SETD2: variants seen among roughly 807,000 people sequenced by gnomAD.
The protein encoded by SETD2 is histone-lysine N-methyltransferase SETD2.
Under a neutral mutation model 242.1 loss-of-function variants are expected in SETD2, and 31 were observed. The ratio of observed to expected loss-of-function variants is 0.13; its 90% CI spans 0.10 to 0.17. The LOEUF is 0.17. Among genes scored for constraint, SETD2 ranks in the 10% least tolerant of loss-of-function variants. The pLI is 1.00. For missense variants in SETD2, 2,481 were observed against 3,046.3 expected (o/e 0.81, Z 4.37); for synonymous variants, 1,006 against 1,066.5 (o/e 0.94, Z 1.11).
intron 18 of SETD2, among the ~76,000 whole-genome samples, chr3:47,021,004 AG>A: frequency 6.6e-6 from 1 of 152,228 alleles, no homozygotes; most frequent in South Asian, 2.1e-4. Flanking sequence ...TGGGGAGATT[AG>A]GGGGTAGAGT....
intron 12 of SETD2, among the ~76,000 whole-genome samples, chr3:47,071,726 AAATAG>A (rs2040828540): frequency 6.6e-6 from 1 of 152,130 alleles, no homozygotes; most frequent in Admixed American, 6.5e-5. Flanking sequence ...CTTTAACTCG[AAATAG>A]TATGTTCCAT....
chr3:47,123,385 T>A lies in SETD2; in HGVS notation c.1251A>T (p.Leu417Phe), dbSNP rs1454697715. The A allele has an allele frequency of 6.4e-7, 1 of 1,551,638 alleles. No individual in the cohort carries two copies. The highest frequency in any genetic ancestry group is 8.7e-7 in the Non-Finnish European group (1 of 1,146,984). The change falls in exon 3 of 21, where the codon TTA becomes TTT. Residue 417 changes from leucine (L) to phenylalanine (F), a missense_variant. This residue lies in a region of SETD2 where 1,300 missense variants were observed against 1,259.2 expected (regional missense o/e 1.03). Coordinates refer to ENST00000409792, the MANE Select transcript of SETD2 (RefSeq NM_014159.7). ...SRSERGSRTNLSYSRSERSHY... is the reference protein window; with the variant it reads ...SRSERGSRTNFSYSRSERSHY... ...GAGATCGTTCTGACCTGGAATAGGA[T>A]AAATTAGTTCTAGAGCCTCTCTCAG...
chr3:47,076,078 T>C (rs1467916317), intron 12 of SETD2, among the ~76,000 whole-genome samples: 4 of 152,300 alleles, frequency 2.6e-5, no homozygotes, highest in Admixed American at 6.5e-5. Context: ...TAAAATGTTA[T>C]CTGCCTTTGA....
chr3:47,041,812 CATAA>C (rs1473018542), intron 17 of SETD2, among the ~76,000 whole-genome samples: 1 of 152,030 alleles, frequency 6.6e-6, no homozygotes, highest in Admixed American at 6.6e-5. Flanking sequence ...CTACAGTAAG[CATAA>C]ATAATGTGTG....
chr3:47,038,025 A>G (rs1316921486), intron 17 of SETD2, among the ~76,000 whole-genome samples: 4 of 152,098 alleles, frequency 2.6e-5, no homozygotes, highest in Admixed American at 2.6e-4. Flanking sequence ...TGTCAAAGAG[A>G]GCAGTAAACC....
At chr3:47,158,143 A>G (rs1255788519) in intron 1 of SETD2, among the ~76,000 whole-genome samples, 2 of 152,272 alleles carry the variant, frequency 1.3e-5, no homozygotes, top group East Asian at 1.9e-4. Flanking sequence ...TCTCAGTCTA[A>G]TATTTTTTAA....
chr3:47,063,945 T>C (rs1004556549), intron 13 of SETD2, among the ~76,000 whole-genome samples: 9 of 151,538 alleles, frequency 5.9e-5, no homozygotes, highest in African/African-American at 1.7e-4. Context: ...ATCGCGCCAC[T>C]GCATTCCAGC....
Position 47,056,961 on chromosome 3 carries a change from A to C in SETD2, c.6823T>G (p.Ser2275Ala), listed in dbSNP as rs1156971620. 2 of 1,614,148 alleles carry C rather than the reference A, an allele frequency of 1.2e-6. No homozygotes were observed. Among genetic ancestry groups the C allele is most frequent in the Non-Finnish European group, 1.7e-6 (2 of 1,180,056 alleles). ...TGTACACTGACAGACTGTTGGTTTG[A>C]ATCCCAAACACTATAATTCTGTCCC... ...VQGQNYSVWDSNQQSVSVQQQ... is the reference protein window; with the variant it reads ...VQGQNYSVWDANQQSVSVQQQ... The change falls in exon 15 of 21, where the codon TCA (serine) becomes GCA (alanine). Residue 2275 changes from serine (S) to alanine (A), a missense_variant. Around this residue, in one of 17 missense-constraint regions of SETD2, gnomAD observed 235 missense variants for 293.9 expected, o/e 0.80. Coordinates refer to ENST00000409792, the MANE Select transcript of SETD2 (RefSeq NM_014159.7).
chr3:47,021,888 C>T (rs1476812084), intron 18 of SETD2, among the ~76,000 whole-genome samples: 1 of 152,190 alleles, frequency 6.6e-6, no homozygotes, highest in African/African-American at 2.4e-5. Context: ...GTGGCTCACG[C>T]CTGTAATCCT....
chr3:47,099,153 G>T (rs1291730606), intron 8 of SETD2, among the ~76,000 whole-genome samples: 2 of 152,180 alleles, frequency 1.3e-5, no homozygotes, highest in Non-Finnish European at 2.9e-5. Context: ...GAAGGAGTAT[G>T]TAAAAGACCT....
At chr3:47,079,068 A>T (rs1467322798) in intron 12 of SETD2, among the ~76,000 whole-genome samples, 2 of 152,194 alleles carry the variant, frequency 1.3e-5, no homozygotes, top group Non-Finnish European at 2.9e-5. Context: ...TCTCAGTGAA[A>T]AGTTTAGAGG....
chr3:47,054,863 G>GTATGTA (rs751632525), intron 15 of SETD2, among the ~76,000 whole-genome samples: 24 of 152,216 alleles, frequency 1.6e-4, no homozygotes, highest in Non-Finnish European at 2.6e-4. Flanking sequence ...AAACATTTAT[G>GTATGTA]TATGTATATG....
rs2043077606 is a variant in SETD2, at chr3:47,121,349, T to C, written c.3287A>G (p.His1096Arg). The C allele has an allele frequency of 4.3e-6, 7 of 1,610,192 alleles. No individual in the cohort carries two copies. Among genetic ancestry groups the C allele is most frequent in the South Asian group, 2.2e-5 (2 of 91,076 alleles). The change falls in exon 3 of 21, where the codon CAC (histidine) becomes CGC (arginine). Residue 1096 changes from histidine to arginine, a missense_variant. By Grantham distance (29) the His-to-Arg change is conservative. Around this residue, in one of 17 missense-constraint regions of SETD2, gnomAD observed 1,300 missense variants for 1,259.2 expected, o/e 1.03. Coordinates refer to ENST00000409792, the MANE Select transcript of SETD2 (RefSeq NM_014159.7). ...CTCATCTTCCCAATGGTCAGAATAG[T>C]GTCTATAACTTTGACTGCTCCGAGA... The part of the protein sequence containing the change: ...CSSRSSQSYR[H>R]YSDHWEDERL...
In SETD2 at chr3:47,083,891, T is replaced by C. The variant is rs1255823357; in HGVS notation, c.5889A>G (p.Lys1963=). The C allele has an allele frequency of 1.2e-6, 2 of 1,614,190 alleles. No homozygotes were observed. Among genetic ancestry groups the C allele is most frequent in the Non-Finnish European group, 8.5e-7 (1 of 1,180,022 alleles). ...CTTCTAGTTTTGTGCCGTTGCTCTC[T>C]TTGGGCTCTATTTCAGCGTCAGCTT... ...EPEADAEIEP[K]ESNGTKLEEP... The change falls in exon 12 of 21, where the codon AAA becomes AAG. Residue 1963 remains lysine, a synonymous_variant. Transcript: ENST00000409792.
At chr3:47,039,431 T>A (rs1159126784) in intron 17 of SETD2, among the ~76,000 whole-genome samples, 2 of 152,034 alleles carry the variant, frequency 1.3e-5, no homozygotes, top group African/African-American at 4.8e-5. Context: ...GTCAGGCTGG[T>A]TTCAAACTCC....
chr3:47,163,805 G>A (rs1575863263), intron 1 of SETD2, 49 bp downstream of exon 1: 1 of 1,244,700 alleles, frequency 8.0e-7, no homozygotes, highest in East Asian at 3.2e-5. Flanking sequence ...GCCCTCGGCT[G>A]GGGATAAGGC....
chr3:47,098,157 G>T, intron 8 of SETD2, 76 bp from the exon 9 acceptor site: 1 of 1,483,120 alleles, frequency 6.7e-7, no homozygotes, highest in South Asian at 1.2e-5. Flanking sequence ...ACACACAAAA[G>T]TCATACCAGT....
At chr3:47,047,961 C>T (rs1361134472) in intron 15 of SETD2, among the ~76,000 whole-genome samples, 1 of 152,084 alleles carries the variant, frequency 6.6e-6, no homozygotes, top group Non-Finnish European at 1.5e-5. Flanking sequence ...GATACCTAGG[C>T]TATATGGTAT....
At chr3:47,096,571 CAAAAAAA>C (rs759377907) in intron 9 of SETD2, among the ~76,000 whole-genome samples, 2 of 31,958 alleles carry the variant, frequency 6.3e-5, no homozygotes, top group Non-Finnish European at 1.2e-4. Context: ...GATTTTGCCT[CAAAAAAA>C]AAAAAAAAAA....
Sources: allele counts gnomAD v4.1 joint callset (sites outside exome capture counted in the v4.1 genomes callset), GRCh38; gene constraint gnomAD v4.1.1; regional missense constraint gnomAD v4.1.1; transcripts MANE v1.5; gene names NCBI Gene and HGNC (gene_info 2026-07-23, HGNC 2026-07-21).